TRAF6: variants seen among roughly 807,000 people sequenced by gnomAD.
TRAF6 encodes the protein TNF receptor-associated factor 6.
A neutral mutation model predicts 48.4 loss-of-function variants in TRAF6; 10 were observed. The ratio of observed to expected loss-of-function variants is 0.21; its 90% CI spans 0.13 to 0.35. The LOEUF is 0.35. TRAF6 is among the 10% of genes least tolerant of loss of function. The probability of loss-of-function intolerance (pLI) is 1.00; values close to 1 mark genes in which losing one functional copy is unlikely to be tolerated. For synonymous variants in TRAF6, 186 were observed against 219.6 expected (o/e 0.85, Z 1.35); for missense variants, 397 against 661.0 (o/e 0.60, Z 4.38).
At chr11:36,500,710 T>C (rs5030445) in intron 2 of TRAF6, among the ~76,000 whole-genome samples, 116,516 of 151,934 alleles carry the variant, frequency 0.77, 45,894 homozygotes, top group East Asian at 0.87. Flanking sequence ...AGGGACTGGA[T>C]TTTGGATATA....
At chr11:36,507,814 T>C (rs1461555038) in intron 1 of TRAF6, among the ~76,000 whole-genome samples, 3 of 146,088 alleles carry the variant, frequency 2.1e-5, no homozygotes, top group African/African-American at 7.5e-5. Flanking sequence ...TATATACACA[T>C]ATATACATGT....
At chr11:36,506,784 C>T (rs968360036) in intron 1 of TRAF6, among the ~76,000 whole-genome samples, 1 of 152,182 alleles carries the variant, frequency 6.6e-6, no homozygotes, top group Non-Finnish European at 1.5e-5. Flanking sequence ...TTTCACATTA[C>T]TTTCCACGCT....
rs1268137915 is a variant in TRAF6 at position 36,501,698 on chromosome 11, T to C, written c.-22-161A>G. 24 of 468,576 alleles carry C rather than the reference T, an allele frequency of 5.1e-5. No homozygotes were observed. The East Asian group carries it at 7.7e-4, about 15-fold the overall frequency. 29.0% of individuals were successfully genotyped at this position (468,576 alleles called of 1,614,324 possible). A position where few individuals can be genotyped will look rare whatever the true frequency, so the allele number is the denominator to read the frequency against. On this transcript the variant is annotated intron_variant, in intron 1 of 6. Coordinates refer to ENST00000526995, the MANE Select transcript of TRAF6 (RefSeq NM_004620.4). ...AACTTTTAAAAGTGTTTTGAGCTTT[T>C]TCATGACTATTATAAGTTACCTGAT...
At chr11:36,495,135 T>C (rs954963070) in intron 4 of TRAF6, 88 bp from the exon 5 acceptor site, 12 of 931,482 alleles carry the variant, frequency 1.3e-5, no homozygotes, top group Admixed American at 2.0e-5. Flanking sequence ...AATTTTTCAC[T>C]ATAAACAAAT....
intron 2 of TRAF6, among the ~76,000 whole-genome samples, chr11:36,499,990 G>T (rs1429794214): frequency 1.3e-5 from 2 of 152,138 alleles, no homozygotes; most frequent in African/African-American, 4.8e-5. Context: ...CTATTTCCAT[G>T]GAAATTGCAA....
In TRAF6 at chr11:36,490,213, C is replaced by A; in HGVS notation, c.1194G>T (p.Pro398=). ...KLCMRLHLQL[P]TAQRCANYIS... ...TATAGTTTGCACAGCGCTGAGCAGT[C>A]GGTAACTGAAGGTGCAAGCGCATGC... Residue 398 remains proline (P), a synonymous_variant, in exon 7 of 7, where the codon CCG becomes CCT. Transcript: ENST00000526995. The surrounding 1 kb of genome is among the most constrained non-coding windows in gnomAD (Gnocchi z 6.4). 6.2e-7 allele frequency: 1 copy of A among 1,614,164 alleles called. No homozygotes were observed. Among genetic ancestry groups the A allele is most frequent in the Non-Finnish European group, 8.5e-7 (1 of 1,180,034 alleles).
At chr11:36,497,307 GA>G in intron 3 of TRAF6, 41 bp from the exon 4 acceptor site, 3 of 1,576,694 alleles carry the variant, frequency 1.9e-6, no homozygotes, top group Middle Eastern at 3.4e-4. Context: ...AGCCAACTCT[GA>G]AGTCTTCTAC....
rs751278783 is a variant in TRAF6 at position 36,486,611 on chromosome 11, C to A, written c.*3227G>T. ...ATTCCATCATTAGAATAAAAAACAC[C>A]TGCCTTCATTCTGTTTCACTTTTTT... On this transcript the variant is annotated 3_prime_UTR_variant, in exon 7 of 7. Coordinates refer to ENST00000526995, the MANE Select transcript of TRAF6 (RefSeq NM_004620.4). Among the ~76,000 whole-genome samples, 21 of 152,098 alleles carry A rather than the reference C, an allele frequency of 1.4e-4. No individual in the cohort carries two copies. Among genetic ancestry groups the A allele is most frequent in the Non-Finnish European group, 2.2e-4 (15 of 68,028 alleles).
Position 36,487,556 on chromosome 11 carries a change from T to C in TRAF6, c.*2282A>G, listed in dbSNP as rs1859502787. The C allele has an allele frequency of 6.6e-6, 1 of 152,200 alleles. No individual in the cohort carries two copies. The highest frequency in any genetic ancestry group is 6.5e-5 in the Admixed American group (1 of 15,282). The allele number at this position is 152,200 out of a possible 1,614,324, so 9.4% of individuals were successfully genotyped here. On this transcript the variant is annotated 3_prime_UTR_variant, in exon 7 of 7. Transcript: ENST00000526995. ...CAGCAAAGAGTAAGTTAAAGACATT[T>C]TATACTGGCAAAATACTTTCCTAAG...
At chr11:36,509,293 A>T (rs1413418379) in intron 1 of TRAF6, among the ~76,000 whole-genome samples, 3 of 152,216 alleles carry the variant, frequency 2.0e-5, no homozygotes, top group Non-Finnish European at 4.4e-5. Flanking sequence ...TTCACATTCA[A>T]GACAGTCCTA....
chr11:36,503,327 C>G (rs1005738703), intron 1 of TRAF6, among the ~76,000 whole-genome samples: 5 of 149,172 alleles, frequency 3.4e-5, no homozygotes, highest in African/African-American at 1.2e-4. Context: ...CAGAGTCTCA[C>G]TCTGTCGCTC....
intron 1 of TRAF6, among the ~76,000 whole-genome samples, chr11:36,508,720 A>T (rs534474063): frequency 1.2e-4 from 19 of 152,352 alleles, no homozygotes; most frequent in African/African-American, 4.3e-4. Flanking sequence ...TAAAGTGTGA[A>T]GACCTACAAA....
chr11:36,489,613 CT>C lies in TRAF6; in HGVS notation c.*224del. 1.8e-6 allele frequency: 1 copy of C among 567,934 alleles called. No individual in the cohort carries two copies. The highest frequency in any genetic ancestry group is 2.5e-5 in the South Asian group (1 of 39,928). 35.2% of individuals were successfully genotyped at this position (567,934 alleles called of 1,614,324 possible). ...TAGCTGCTGCAACATGCCACAGGCA[CT>C]TCAGGCCTAACATTTCTGAAAAAGC... is the stretch of plus-strand genomic sequence containing the variant. On this transcript the variant is annotated 3_prime_UTR_variant, in exon 7 of 7. Transcript: ENST00000526995.
chr11:36,485,507 A>C lies in TRAF6; in HGVS notation c.*4331T>G, dbSNP rs1055310011. On this transcript the variant is annotated 3_prime_UTR_variant, in exon 7 of 7. Transcript: ENST00000526995. ...CTTCAGAGCTGCAGACAGTAAGAGC[A>C]GAGGCACATGCCCCAACTTCCCCAT... Among the ~76,000 whole-genome samples, 38 of 152,254 alleles carry C rather than the reference A, an allele frequency of 2.5e-4. No homozygotes were observed. In the Middle Eastern group the frequency reaches 0.01, roughly 41 times the overall value.
rs534868934 is a variant in TRAF6, at chr11:36,493,335, A to G, written c.679-707T>C. Among the ~76,000 whole-genome samples the G allele has an allele frequency of 3.3e-5, 5 of 152,340 alleles. No homozygotes were observed. In the South Asian group the frequency reaches 1.0e-3, roughly 32 times the overall value. The stretch of plus-strand genomic sequence containing the variant: ...ATATTTCAAACAGGAAGTACCTGAG[A>G]GACCATTTATTATAATTCAATCCTT... On this transcript the variant is annotated intron_variant, in intron 5 of 6. Coordinates refer to ENST00000526995, the MANE Select transcript of TRAF6 (RefSeq NM_004620.4).
rs1294765753 is a variant in TRAF6, at chr11:36,497,135, A to G, written c.579T>C (p.Ala193=). 3.1e-6 allele frequency: 5 copies of G among 1,613,640 alleles called. No homozygotes were observed. Among genetic ancestry groups the G allele is most frequent in the Non-Finnish European group, 4.2e-6 (5 of 1,179,874 alleles). Residue 193 remains alanine, a synonymous_variant, in exon 4 of 7, where the codon GCT becomes GCC. Coordinates refer to ENST00000526995, the MANE Select transcript of TRAF6 (RefSeq NM_004620.4). ...CTTTATCTTCAAATGCCATTGATGCAGCACAGTTGTCACAAGAAACCTGTC... is the reference window on the plus strand; with the variant it reads ...CTTTATCTTCAAATGCCATTGATGCGGCACAGTTGTCACAAGAAACCTGTC... ...PRRQVSCDNC[A]ASMAFEDKEI...
Position 36,485,799 on chromosome 11 carries a change from AT to A in TRAF6, c.*4038del, listed in dbSNP as rs1859474853. On this transcript the variant is annotated 3_prime_UTR_variant, in exon 7 of 7. Transcript: ENST00000526995. ...GTCACAGTCTGCCAAGATCCATCCA[AT>A]TTGATTTCATCAGATCATCTTTCTG... is the stretch of plus-strand genomic sequence containing the variant. Among the ~76,000 whole-genome samples, 1 of 152,110 alleles carries A rather than the reference AT, an allele frequency of 6.6e-6. No individual in the cohort carries two copies. Among genetic ancestry groups the A allele is most frequent in the Non-Finnish European group, 1.5e-5 (1 of 68,028 alleles).
chr11:36,494,148 T>C lies in TRAF6; in HGVS notation c.678+828A>G, dbSNP rs148548279. On this transcript the variant is annotated intron_variant, in intron 5 of 6. Transcript: ENST00000526995. ...GGGAGGCTAAAGCAGGTAGATTGCT[T>C]GAGCTCAGGAGTTCGAGACCAGTCT... is the stretch of plus-strand genomic sequence containing the variant. Among the ~76,000 whole-genome samples, 33 of 152,240 alleles carry C rather than the reference T, an allele frequency of 2.2e-4. No individual in the cohort carries two copies. The East Asian group carries it at 6.4e-3, about 29-fold the overall frequency.
At position 36,484,305 on chromosome 11, in the gene TRAF6, C is replaced by T. The variant is rs2133658328; in HGVS notation, c.*5533G>A. Reference sequence around the variant, plus strand: ...TTCATTCTTTTCATGATTAGTGTTTCCCCACCCTTATCTTTGCATTCACTC... The same window carrying T: ...TTCATTCTTTTCATGATTAGTGTTTTCCCACCCTTATCTTTGCATTCACTC... On this transcript the variant is annotated 3_prime_UTR_variant, in exon 7 of 7. Coordinates refer to ENST00000526995, the MANE Select transcript of TRAF6 (RefSeq NM_004620.4). Among the ~76,000 whole-genome samples, 1 of 152,310 alleles carries T rather than the reference C, an allele frequency of 6.6e-6. No homozygotes were observed. The highest frequency in any genetic ancestry group is 1.5e-5 in the Non-Finnish European group (1 of 68,032).
Sources: allele counts gnomAD v4.1 joint callset (sites outside exome capture counted in the v4.1 genomes callset), GRCh38; gene constraint gnomAD v4.1.1; non-coding constraint Gnocchi (gnomAD v3.1); transcripts MANE v1.5; gene names NCBI Gene and HGNC (gene_info 2026-07-23, HGNC 2026-07-21).